The following FILIP1 variants were observed in gnomAD, a reference collection of about 807,000 sequenced individuals.
FILIP1 encodes filamin A interacting protein 1, also known as filamin-A-interacting protein 1.
FILIP1 carries 61 observed loss-of-function variants against 102.1 expected under a neutral mutation model. The observed-to-expected ratio is 0.60, with a 90% CI of 0.49 to 0.74. The LOEUF is 0.74. Ranked by LOEUF, FILIP1 falls within the 30% of genes least tolerant of loss-of-function variation. The pLI is 0.00. For missense variants in FILIP1, 1,314 were observed against 1,441.2 expected (o/e 0.91, Z 1.43); for synonymous variants, 491 against 526.9 (o/e 0.93, Z 0.93).
At chr6:75,431,074 T>C (rs1410056559) in intron 1 of FILIP1, among the ~76,000 whole-genome samples, 1 of 152,196 alleles carries the variant, frequency 6.6e-6, no homozygotes, top group Non-Finnish European at 1.5e-5. Flanking sequence ...AGCCTTCAGT[T>C]TGTCCTTCAT....
intron 6 of FILIP1, among the ~76,000 whole-genome samples, chr6:75,302,109 A>G (rs1001046498): frequency 6.6e-6 from 1 of 152,180 alleles, no homozygotes; most frequent in Non-Finnish European, 1.5e-5. Context: ...TATACTTCAC[A>G]GAAAGCTCTC....
At chr6:75,441,155 G>C (rs1019150035) in intron 1 of FILIP1, among the ~76,000 whole-genome samples, 19 of 151,680 alleles carry the variant, frequency 1.3e-4, no homozygotes, top group Non-Finnish European at 2.4e-4. Context: ...GTGTCCCTGG[G>C]TACTTGAGAT....
intron 2 of FILIP1, among the ~76,000 whole-genome samples, chr6:75,380,060 A>T (rs1321345409): frequency 6.6e-6 from 1 of 152,202 alleles, no homozygotes; most frequent in Non-Finnish European, 1.5e-5. Context: ...AATAGCAGAT[A>T]CTTCATAAAT....
At chr6:75,336,602 T>C (rs903575527) in intron 4 of FILIP1, among the ~76,000 whole-genome samples, 1 of 152,146 alleles carries the variant, frequency 6.6e-6, no homozygotes, top group Non-Finnish European at 1.5e-5. Flanking sequence ...AAACTTGAAT[T>C]ATAGTCCTGG....
chr6:75,396,821 A>G (rs1408216366), intron 2 of FILIP1, among the ~76,000 whole-genome samples: 1 of 152,070 alleles, frequency 6.6e-6, no homozygotes, highest in Non-Finnish European at 1.5e-5. Context: ...TCTCCCAGTC[A>G]GGATTTGTAA....
At chr6:75,469,369 A>C (rs1030653154) in intron 1 of FILIP1, among the ~76,000 whole-genome samples, 1 of 152,094 alleles carries the variant, frequency 6.6e-6, no homozygotes, top group Non-Finnish European at 1.5e-5. Flanking sequence ...AATACAATTT[A>C]TAATTTTTAC....
intron 1 of FILIP1, among the ~76,000 whole-genome samples, chr6:75,427,590 A>G (rs1280161983): frequency 1.3e-5 from 2 of 152,136 alleles, no homozygotes; most frequent in East Asian, 3.9e-4. Flanking sequence ...AGGGAATGGT[A>G]CAGGAGTACT....
intron 2 of FILIP1, chr6:75,384,904 C>T (rs909367374): frequency 1.3e-5 from 2 of 151,132 alleles, no homozygotes; most frequent in South Asian, 2.1e-4. Context: ...AATTGATCCC[C>T]GCGCCTCAGC....
chr6:75,322,786 C>T lies in FILIP1; in HGVS notation c.630-7584G>A, dbSNP rs926432906. Among the ~76,000 whole-genome samples, 11 of 152,214 alleles carry T rather than the reference C, an allele frequency of 7.2e-5. No homozygotes were observed. In the East Asian group the frequency reaches 1.4e-3, roughly 19 times the overall value. On this transcript the variant is annotated intron_variant, in intron 4 of 5. Transcript: ENST00000237172. ...TTGGCTCACTGTAACCTCAGCCTCC[C>T]GGGTTAAAATGATTCTCCCACCTCA...
chr6:75,447,800 A>G lies in FILIP1; in HGVS notation c.-6-32822T>C, dbSNP rs146785458. On this transcript the variant is annotated intron_variant, in intron 1 of 5. Transcript: ENST00000237172. ...GCTACATGTATTAAATCTTCATCTT[A>G]AAAGTAAACTGTATTTAAAAACCTA... Among the ~76,000 whole-genome samples, 5 of 152,182 alleles carry G rather than the reference A, an allele frequency of 3.3e-5. No individual in the cohort carries two copies. The East Asian group carries it at 5.8e-4, about 18-fold the overall frequency.
intron 4 of FILIP1, among the ~76,000 whole-genome samples, chr6:75,325,189 A>G (rs1454827452): frequency 5.3e-5 from 8 of 152,206 alleles, no homozygotes; most frequent in Non-Finnish European, 1.0e-4. Context: ...GCCGAGGCCA[A>G]GGCAGGTGGA....
intron 2 of FILIP1, among the ~76,000 whole-genome samples, chr6:75,406,745 C>T (rs1474511320): frequency 1.3e-5 from 2 of 151,256 alleles, no homozygotes; most frequent in Non-Finnish European, 2.9e-5. Context: ...CTGCAACCTC[C>T]GCCTCCCAGG....
intron 1 of FILIP1, among the ~76,000 whole-genome samples, chr6:75,490,201 T>C (rs1010223577): frequency 1.3e-5 from 2 of 152,156 alleles, no homozygotes; most frequent in African/African-American, 2.4e-5. Flanking sequence ...ATGAACATAT[T>C]AAATATTTCA....
intron 1 of FILIP1, among the ~76,000 whole-genome samples, chr6:75,442,213 G>A (rs1015069345): frequency 6.6e-6 from 1 of 151,552 alleles, no homozygotes; most frequent in African/African-American, 2.4e-5. Flanking sequence ...GGGAAGAGGC[G>A]CTCCTCACTT....
At chr6:75,445,550 A>C (rs1455514958) in intron 1 of FILIP1, among the ~76,000 whole-genome samples, 1 of 152,064 alleles carries the variant, frequency 6.6e-6, no homozygotes, top group East Asian at 1.9e-4. Flanking sequence ...ACTGATTCAC[A>C]TGTAAGTATG....
At chr6:75,379,255 A>T (rs370859720) in intron 2 of FILIP1, among the ~76,000 whole-genome samples, 2 of 152,334 alleles carry the variant, frequency 1.3e-5, no homozygotes, top group East Asian at 1.9e-4. Flanking sequence ...CTAGGTATAA[A>T]TGTAGTTTAT....
intron 1 of FILIP1, among the ~76,000 whole-genome samples, chr6:75,485,704 TG>T (rs1779763784): frequency 6.6e-6 from 1 of 152,170 alleles, no homozygotes; most frequent in South Asian, 2.1e-4. Context: ...GTCAGACATT[TG>T]GACATCATGC....
chr6:75,404,190 A>ATGCCAC (rs1266669414), intron 2 of FILIP1, among the ~76,000 whole-genome samples: 1 of 152,172 alleles, frequency 6.6e-6, no homozygotes, highest in Admixed American at 6.5e-5. Flanking sequence ...TGAGCTGATT[A>ATGCCAC]TGCCACTGCC....
At chr6:75,355,375 C>G (rs992212936) in intron 3 of FILIP1, among the ~76,000 whole-genome samples, 18 of 151,334 alleles carry the variant, frequency 1.2e-4, no homozygotes, top group African/African-American at 3.4e-4. Flanking sequence ...GCCTCTTTCT[C>G]TGATCAGGTT....
Sources: allele counts gnomAD v4.1 joint callset (sites outside exome capture counted in the v4.1 genomes callset), GRCh38; gene constraint gnomAD v4.1.1; transcripts MANE v1.5; gene names NCBI Gene and HGNC (gene_info 2026-07-23, HGNC 2026-07-21).